LRRC7: variants seen among roughly 807,000 people sequenced by gnomAD.
The protein encoded by LRRC7 is leucine-rich repeat-containing protein 7.
Under a neutral mutation model 175.7 loss-of-function variants are expected in LRRC7, and 23 were observed. That is an observed-to-expected ratio of 0.13 (90% CI 0.09 to 0.19). The LOEUF (loss-of-function observed/expected upper bound fraction) is 0.19, where lower values mean the gene tolerates loss of function less well. Ranked by LOEUF, LRRC7 falls within the 10% of genes least tolerant of loss-of-function variation. LRRC7 has a pLI of 1.00. For synonymous variants in LRRC7, 685 were observed against 680.9 expected (o/e 1.01, Z -0.09); for missense variants, 1,354 against 1,904.7 (o/e 0.71, Z 5.38).
intron 1 of LRRC7, among the ~76,000 whole-genome samples, chr1:69,576,515 T>C (rs1221737454): frequency 2.6e-5 from 4 of 152,204 alleles, no homozygotes; most frequent in Admixed American, 2.6e-4. Context: ...TTAAAATATG[T>C]ATTTGGGTTG....
chr1:69,635,854 T>C (rs1426560565), intron 1 of LRRC7, among the ~76,000 whole-genome samples: 1 of 151,964 alleles, frequency 6.6e-6, no homozygotes, highest in East Asian at 1.9e-4. Context: ...AGTATGTCAA[T>C]ATTAATGGCA....
chr1:70,047,434 G>C (rs1660413333), intron 22 of LRRC7, among the ~76,000 whole-genome samples: 1 of 152,024 alleles, frequency 6.6e-6, no homozygotes, highest in Admixed American at 6.6e-5. Context: ...GTTTGCCAAG[G>C]CTTGCCTCTT....
At chr1:70,017,266 GAAA>G (rs532410727) in intron 14 of LRRC7, among the ~76,000 whole-genome samples, 1 of 107,968 alleles carries the variant, frequency 9.3e-6, no homozygotes, top group Admixed American at 1.0e-4. Flanking sequence ...CTCTGTCTCA[GAAA>G]AAAAAAAAAA....
chr1:69,605,570 C>T (rs1459897150), intron 1 of LRRC7, among the ~76,000 whole-genome samples: 1 of 152,114 alleles, frequency 6.6e-6, no homozygotes, highest in East Asian at 1.9e-4. Flanking sequence ...TGTTAAGGGA[C>T]ATGCAATGTA....
At chr1:69,588,376 C>T (rs1367931564) in intron 1 of LRRC7, among the ~76,000 whole-genome samples, 2 of 151,752 alleles carry the variant, frequency 1.3e-5, no homozygotes, top group East Asian at 1.9e-4. Context: ...AAGAATAAAC[C>T]GGATGTGAAA....
chr1:70,053,011 C>A lies in LRRC7; in HGVS notation c.4111-15C>A. The A allele has an allele frequency of 1.3e-6, 2 of 1,589,336 alleles. No homozygotes were observed. Among genetic ancestry groups the A allele is most frequent in the Admixed American group, 1.8e-5 (1 of 56,810 alleles). ...TACTACATCACTAAAGAATGCCATA[C>A]CATTTTTGCAATAGACCCCGTCCCA... On this transcript the variant is annotated splice_polypyrimidine_tract_variant and intron_variant, in intron 22 of 26. Transcript: ENST00000651989.
chr1:70,023,579 A>C (rs1387745385), intron 17 of LRRC7, among the ~76,000 whole-genome samples: 1 of 151,880 alleles, frequency 6.6e-6, no homozygotes, highest in Non-Finnish European at 1.5e-5. Context: ...AGGGGAGGGA[A>C]TATCAATGTG....
At chr1:70,049,676 C>T (rs1660602819) in intron 22 of LRRC7, among the ~76,000 whole-genome samples, 1 of 152,040 alleles carries the variant, frequency 6.6e-6, no homozygotes, top group Non-Finnish European at 1.5e-5. Flanking sequence ...TTAAAAATAA[C>T]TTGGGCATTA....
chr1:69,888,622 C>T lies in LRRC7; in HGVS notation c.648-42885C>T, dbSNP rs150768166. 4.0e-3 allele frequency among the ~76,000 whole-genome samples: 611 copies of T among 152,228 alleles called. 3 individuals carry two copies. Among genetic ancestry groups the T allele is most frequent in the African/African-American group, 0.013 (560 of 41,528 alleles). ...GCTGTATACCGGAGCTGTTCCTATT[C>T]GGCCATCTTGGCTCCTCCTCCTGAG... On this transcript the variant is annotated intron_variant, in intron 7 of 26. Coordinates refer to ENST00000651989, the MANE Select transcript of LRRC7 (RefSeq NM_001370785.2).
chr1:69,962,199 A>C (rs958828984), intron 8 of LRRC7, among the ~76,000 whole-genome samples: 2 of 152,234 alleles, frequency 1.3e-5, no homozygotes, highest in Admixed American at 6.5e-5. Flanking sequence ...AAAAGAAGAC[A>C]TACATGCACC....
chr1:69,634,583 C>T (rs182170656), intron 1 of LRRC7, among the ~76,000 whole-genome samples: 210 of 152,154 alleles, frequency 1.4e-3, no homozygotes, highest in Non-Finnish European at 1.6e-3. Flanking sequence ...TTATGTTTTC[C>T]GGATAAGCAG....
chr1:70,099,098 C>A (rs1410054947), intron 25 of LRRC7, among the ~76,000 whole-genome samples: 1 of 146,812 alleles, frequency 6.8e-6, no homozygotes, highest in Non-Finnish European at 1.5e-5. Flanking sequence ...CCGAATCCAG[C>A]AGCACATCAA....
intron 7 of LRRC7, among the ~76,000 whole-genome samples, chr1:69,857,210 G>T (rs1683758939): frequency 6.6e-6 from 1 of 152,110 alleles, no homozygotes. Context: ...GCACAAGACA[G>T]GGATCCCCTC....
chr1:69,871,043 T>G (rs191185176), intron 7 of LRRC7, among the ~76,000 whole-genome samples: 3 of 152,220 alleles, frequency 2.0e-5, no homozygotes, highest in Non-Finnish European at 2.9e-5. Flanking sequence ...AAAAATATAT[T>G]CTTAATTCAT....
At chr1:70,000,444 A>G (rs1317251554) in intron 11 of LRRC7, among the ~76,000 whole-genome samples, 2 of 152,200 alleles carry the variant, frequency 1.3e-5, no homozygotes, top group Admixed American at 6.5e-5. Flanking sequence ...GTTTGTGTAC[A>G]TACATCTGTA....
chr1:69,716,153 A>G, intron 2 of LRRC7: 1 of 436,920 alleles, frequency 2.3e-6, no homozygotes, highest in South Asian at 7.8e-5. Flanking sequence ...AGCCCGCTAC[A>G]TGAAAAAAAA....
At position 70,131,609 on chromosome 1, in the gene LRRC7, C is replaced by T. The variant is rs1011980833; in HGVS notation, c.*9722C>T. 6.6e-6 allele frequency among the ~76,000 whole-genome samples: 1 copy of T among 152,146 alleles called. No individual in the cohort carries two copies. Among genetic ancestry groups the T allele is most frequent in the Non-Finnish European group, 1.5e-5 (1 of 68,026 alleles). On this transcript the variant is annotated 3_prime_UTR_variant, in exon 27 of 27. Coordinates refer to ENST00000651989, the MANE Select transcript of LRRC7 (RefSeq NM_001370785.2). Reference sequence around the variant, plus strand: ...TCTTTGTATAAAGAGAACTTGATAACTATCAAGTTAATTATGTCTTCTTCT... The same window carrying T: ...TCTTTGTATAAAGAGAACTTGATAATTATCAAGTTAATTATGTCTTCTTCT...
chr1:69,624,541 G>T (rs1274613524), intron 1 of LRRC7, among the ~76,000 whole-genome samples: 1 of 151,736 alleles, frequency 6.6e-6, no homozygotes, highest in Middle Eastern at 3.2e-3. Flanking sequence ...TCTTTTTTCA[G>T]TGGGGTAGGC....
At chr1:69,858,269 A>T (rs1336935000) in intron 7 of LRRC7, among the ~76,000 whole-genome samples, 1 of 152,192 alleles carries the variant, frequency 6.6e-6, no homozygotes, top group African/African-American at 2.4e-5. Flanking sequence ...ATGGGATCTA[A>T]TTAAACTAAA....
Sources: allele counts gnomAD v4.1 joint callset (sites outside exome capture counted in the v4.1 genomes callset), GRCh38; gene constraint gnomAD v4.1.1; transcripts MANE v1.5; gene names NCBI Gene and HGNC (gene_info 2026-07-23, HGNC 2026-07-21).